Variants in DRG1 observed in about 807,000 individuals in gnomAD.
DRG1 encodes the protein developmentally regulated GTP binding protein 1.
In DRG1, 19 loss-of-function variants were observed where a neutral mutation model predicts 38.8. The ratio of observed to expected loss-of-function variants is 0.49; its 90% CI spans 0.34 to 0.72. The LOEUF (loss-of-function observed/expected upper bound fraction) is 0.72, where lower values mean the gene tolerates loss of function less well. Among genes scored for constraint, DRG1 ranks in the 30% least tolerant of loss-of-function variants. The pLI is 0.01. For synonymous variants in DRG1, 167 were observed against 157.5 expected, an observed-to-expected ratio of 1.06 and a Z score of -0.45; for missense variants, 299 against 444.8, an observed-to-expected ratio of 0.67 and a Z score of 2.95.
intron 4 of DRG1, among the ~76,000 whole-genome samples, chr22:31,418,318 G>A (rs1335568170): frequency 6.6e-6 from 1 of 151,998 alleles, no homozygotes; most frequent in East Asian, 1.9e-4. Context: ...ATAGCCATGT[G>A]ACATGGCACA....
chr22:31,426,046 C>G (rs1327139193), intron 6 of DRG1, among the ~76,000 whole-genome samples: 1 of 152,020 alleles, frequency 6.6e-6, no homozygotes, highest in East Asian at 1.9e-4. Flanking sequence ...TTTATTGTAC[C>G]AATAAATAAA....
intron 8 of DRG1, among the ~76,000 whole-genome samples, chr22:31,429,264 G>A (rs916816478): frequency 2.0e-5 from 3 of 151,848 alleles, no homozygotes; most frequent in South Asian, 4.2e-4. Flanking sequence ...TACTACAGGC[G>A]TGTGCCACCG....
chr22:31,429,241 C>G (rs148018089), intron 8 of DRG1, among the ~76,000 whole-genome samples: 1 of 152,158 alleles, frequency 6.6e-6, no homozygotes, highest in Non-Finnish European at 1.5e-5. Flanking sequence ...GCCTCAGCCT[C>G]CTGAGTAGCT....
At chr22:31,420,877 G>A (rs1569049548) in intron 5 of DRG1, among the ~76,000 whole-genome samples, 3 of 152,094 alleles carry the variant, frequency 2.0e-5, no homozygotes, top group South Asian at 4.1e-4. Flanking sequence ...TAATGTATTC[G>A]TCAATGATAA....
intron 2 of DRG1, 47 bp from the exon 3 acceptor site, chr22:31,402,982 A>G: frequency 1.3e-6 from 2 of 1,574,060 alleles, no homozygotes; most frequent in Non-Finnish European, 1.7e-6. Context: ...GAGTCTTAAC[A>G]CTCTGGGGGA....
chr22:31,400,627 G>A lies in DRG1; in HGVS notation c.50G>A (p.Arg17Gln). 8 of 1,612,442 alleles carry A rather than the reference G, an allele frequency of 5.0e-6. No individual in the cohort carries two copies. Among genetic ancestry groups the A allele is most frequent in the Non-Finnish European group, 5.9e-6 (7 of 1,179,148 alleles). The stretch of plus-strand genomic sequence containing the variant: ...GTGATTCCTCCCTTTTAGATGGCTC[G>A]GACTCAAAAGAACAAGGCCACAGCA... ...KIAEIEAEMA[R>Q]TQKNKATAHH... is the part of the protein sequence containing the mutation. The change falls in exon 2 of 9, where the codon CGG becomes CAG. Residue 17 changes from arginine (R) to glutamine (Q), a missense_variant. Around this residue, in one of 3 missense-constraint regions of DRG1, gnomAD observed 51 missense variants for 56.1 expected, o/e 0.91. Transcript: ENST00000331457.
chr22:31,408,134 CTTTTT>C (rs1206312150), intron 3 of DRG1, among the ~76,000 whole-genome samples: 2 of 38,300 alleles, frequency 5.2e-5, no homozygotes, highest in Non-Finnish European at 8.9e-5. Context: ...TTTTTTCCTT[CTTTTT>C]TTTTTTTTTT....
chr22:31,424,579 A>G (rs1424855992), intron 6 of DRG1, among the ~76,000 whole-genome samples: 2 of 136,534 alleles, frequency 1.5e-5, no homozygotes, highest in Non-Finnish European at 3.1e-5. Context: ...GCTCACTGCA[A>G]CCTCCACCTC....
rs778798878 is a variant in DRG1 at position 31,399,642 on chromosome 22, T to C, written c.-42T>C. 1.1e-5 allele frequency: 17 copies of C among 1,613,728 alleles called. No individual in the cohort carries two copies. The South Asian group carries it at 1.5e-4, about 15-fold the overall frequency. On this transcript the variant is annotated 5_prime_UTR_variant, in exon 1 of 9. Coordinates refer to ENST00000331457, the MANE Select transcript of DRG1 (RefSeq NM_004147.4). The stretch of plus-strand genomic sequence containing the variant: ...GGCGGTGGCAGTTTGCCCGCGGGTG[T>C]GTGAAGGGAGACAGTGTGGAGGCCA...
At chr22:31,399,783 C>T (rs73160605) in intron 1 of DRG1, 58 bp downstream of exon 1, 104,638 of 1,612,312 alleles carry the variant, frequency 0.065, 4,088 homozygotes, top group Admixed American at 0.18. Context: ...TTGGTGGCGT[C>T]GCTCCTTCCT....
At chr22:31,415,611 C>T (rs1362150527) in intron 4 of DRG1, among the ~76,000 whole-genome samples, 1 of 152,194 alleles carries the variant, frequency 6.6e-6, no homozygotes, top group Non-Finnish European at 1.5e-5. Context: ...ATCCGCCTGC[C>T]TCGGCCTCCC....
Position 31,426,744 on chromosome 22 carries a change from A to G in DRG1, c.843A>G (p.Leu281=), listed in dbSNP as rs1170941609. Residue 281 remains leucine (L), a synonymous_variant, in exon 7 of 9, where the codon CTA becomes CTG. Transcript: ENST00000331457. The stretch of plus-strand genomic sequence containing the variant: ...ATCACCGCTGGAATTTTGATGACCT[A>G]TTGGAAAAGATCTGGGACTATCTGA... ...SAHHRWNFDD[L]LEKIWDYLKL... 3 of 1,614,166 alleles carry G rather than the reference A, an allele frequency of 1.9e-6. No homozygotes were observed. Among genetic ancestry groups the G allele is most frequent in the South Asian group, 1.1e-5 (1 of 91,084 alleles).
At chr22:31,431,611 A>C (rs565474998) in intron 8 of DRG1, among the ~76,000 whole-genome samples, 1 of 152,304 alleles carries the variant, frequency 6.6e-6, no homozygotes, top group South Asian at 2.1e-4. Context: ...GCAGCGAGCC[A>C]AGATAATGAT....
chr22:31,434,113 C>T lies in DRG1; in HGVS notation c.*142C>T. ...GATGGAGGCACCCAAACTGGAACTT[C>T]ATTTGTCTTACCTTGGTGTCACCTT... On this transcript the variant is annotated 3_prime_UTR_variant, in exon 9 of 9. Transcript: ENST00000331457. 1.5e-6 allele frequency: 1 copy of T among 676,334 alleles called. No homozygotes were observed. The highest frequency in any genetic ancestry group is 2.6e-5 in the Admixed American group (1 of 38,200). The allele number at this position is 676,334 out of a possible 1,614,324, so 41.9% of individuals were successfully genotyped here. A position where few individuals can be genotyped will look rare whatever the true frequency, so the allele number is the denominator to read the frequency against.
chr22:31,423,683 C>T (rs769117577), intron 6 of DRG1, among the ~76,000 whole-genome samples: 7 of 151,388 alleles, frequency 4.6e-5, no homozygotes, highest in Admixed American at 1.3e-4. Flanking sequence ...CGCACCACCA[C>T]GCCCAGCTAA....
At chr22:31,406,853 C>T (rs955292590) in intron 3 of DRG1, among the ~76,000 whole-genome samples, 10 of 152,010 alleles carry the variant, frequency 6.6e-5, no homozygotes, top group African/African-American at 2.2e-4. Flanking sequence ...TTTTTTCCAC[C>T]AGTGTCCTTT....
intron 4 of DRG1, among the ~76,000 whole-genome samples, chr22:31,411,407 C>G (rs960047725): frequency 1.3e-5 from 2 of 151,956 alleles, no homozygotes; most frequent in African/African-American, 4.8e-5. Flanking sequence ...ATTTTCTGCT[C>G]TTGTGTGGGA....
intron 3 of DRG1, among the ~76,000 whole-genome samples, chr22:31,405,236 C>A (rs182115525): frequency 1.4e-5 from 2 of 147,408 alleles, no homozygotes; most frequent in Admixed American, 1.4e-4. Context: ...TGGCGTGATT[C>A]GGCTCACTGC....
intron 4 of DRG1, among the ~76,000 whole-genome samples, chr22:31,417,729 G>A (rs1470686352): frequency 6.6e-6 from 1 of 151,958 alleles, no homozygotes; most frequent in Non-Finnish European, 1.5e-5. Flanking sequence ...GGTGGTACAT[G>A]CATGTAATCC....
Sources: gnomAD v4.1 joint callset for allele counts (sites outside exome capture counted in the v4.1 genomes callset) on GRCh38, gnomAD v4.1.1 for gene constraint, gnomAD v4.1.1 regional missense constraint, MANE v1.5 for transcripts, NCBI Gene and HGNC (gene_info 2026-07-23, HGNC 2026-07-21) for gene names.